The following CSTPP1 variants were observed in gnomAD, a reference collection of about 807,000 sequenced individuals.
The protein encoded by CSTPP1 is UPF0705 protein C11orf49.
At chr11:47,164,342 AT>A in the CSTPP1 span, 5 of 1,336,622 alleles carry the variant, frequency 3.7e-6, no homozygotes, top group African/African-American at 3.0e-5. Flanking sequence ...CAGGGGCTTT[AT>A]TTTGACACCA....
chr11:47,039,975 T>G, the CSTPP1 span, among the ~76,000 whole-genome samples: 1 of 129,020 alleles, frequency 7.8e-6, no homozygotes, highest in African/African-American at 2.5e-5. Flanking sequence ...AATTTGTGAA[T>G]GAAAGTTTGA....
At chr11:47,131,775 G>A in the CSTPP1 span, among the ~76,000 whole-genome samples, 6 of 151,998 alleles carry the variant, frequency 3.9e-5, no homozygotes, top group Non-Finnish European at 7.4e-5. Context: ...TCAGGAGTTC[G>A]AGACCAGCCT....
chr11:47,036,232 T>C, the CSTPP1 span, among the ~76,000 whole-genome samples: 1 of 56,404 alleles, frequency 1.8e-5, no homozygotes, highest in South Asian at 4.8e-4. Context: ...ATATATATAA[T>C]ATATTATATT....
chr11:47,100,832 C>G, the CSTPP1 span, among the ~76,000 whole-genome samples: 1 of 151,404 alleles, frequency 6.6e-6, no homozygotes, highest in Non-Finnish European at 1.5e-5. Context: ...TACTGGGTTC[C>G]TAAGCAGTAT....
At chr11:47,052,670 T>C in the CSTPP1 span, 1 of 1,092,768 alleles carries the variant, frequency 9.2e-7, no homozygotes, top group Admixed American at 3.0e-5. Flanking sequence ...TTTGAATGCA[T>C]GCTATTCAAG....
At chr11:47,162,888 C>T in the CSTPP1 span, among the ~76,000 whole-genome samples, 1 of 152,128 alleles carries the variant, frequency 6.6e-6, no homozygotes, top group Non-Finnish European at 1.5e-5. Context: ...ATTCCAGCCC[C>T]GAAGCTGCTC....
At chr11:47,004,785 G>A in the CSTPP1 span, among the ~76,000 whole-genome samples, 1 of 152,274 alleles carries the variant, frequency 6.6e-6, no homozygotes, top group Middle Eastern at 3.4e-3. Context: ...GTACAGTGAT[G>A]GGCTCAGGGT....
the CSTPP1 span, among the ~76,000 whole-genome samples, chr11:47,139,748 A>G: frequency 6.6e-6 from 1 of 151,940 alleles, no homozygotes; most frequent in Non-Finnish European, 1.5e-5. Flanking sequence ...CACTTCACTG[A>G]AGTGGGAACT....
chr11:47,052,598 T>A, the CSTPP1 span: 95 of 1,524,342 alleles, frequency 6.2e-5, no homozygotes, highest in Non-Finnish European at 8.0e-5. Context: ...TCTCTCTTTC[T>A]TTCTCTCTCT....
At chr11:47,016,346 C>A in the CSTPP1 span, among the ~76,000 whole-genome samples, 1 of 136,634 alleles carries the variant, frequency 7.3e-6, no homozygotes, top group African/African-American at 2.8e-5. Context: ...CAAGTTTGTT[C>A]ACATAGGACA....
At chr11:46,973,309 T>G in the CSTPP1 span, among the ~76,000 whole-genome samples, 1 of 152,144 alleles carries the variant, frequency 6.6e-6, no homozygotes, top group Admixed American at 6.5e-5. Context: ...GCCAGATATA[T>G]TAGTTTGATC....
the CSTPP1 span, among the ~76,000 whole-genome samples, chr11:47,049,012 G>T: frequency 6.6e-6 from 1 of 151,958 alleles, no homozygotes; most frequent in Admixed American, 6.6e-5. Flanking sequence ...TTGAGACAGG[G>T]TCTTGCTCTG....
the CSTPP1 span, among the ~76,000 whole-genome samples, chr11:47,153,876 C>G: frequency 6.6e-6 from 1 of 152,212 alleles, no homozygotes; most frequent in Non-Finnish European, 1.5e-5. Flanking sequence ...AGTTGCCAGT[C>G]TGGGAAACCT....
the CSTPP1 span, among the ~76,000 whole-genome samples, chr11:46,987,004 A>G: frequency 3.9e-5 from 6 of 152,248 alleles, no homozygotes; most frequent in South Asian, 1.2e-3. Context: ...GGTCATGTTC[A>G]CATCATCTCC....
chr11:47,122,585 AT>A, the CSTPP1 span, among the ~76,000 whole-genome samples: 2 of 151,780 alleles, frequency 1.3e-5, no homozygotes, highest in Admixed American at 1.3e-4. Flanking sequence ...ATTCTTTTTT[AT>A]TTTTTATTTT....
the CSTPP1 span, among the ~76,000 whole-genome samples, chr11:47,053,392 G>T: frequency 2.3e-3 from 356 of 152,284 alleles, no homozygotes; most frequent in African/African-American, 8.0e-3. Context: ...GCCAAGGCAG[G>T]TGGATCACTT....
At chr11:47,080,110 C>CA in the CSTPP1 span, among the ~76,000 whole-genome samples, 13 of 148,814 alleles carry the variant, frequency 8.7e-5, no homozygotes, top group Admixed American at 2.0e-4. Flanking sequence ...AACAAACAAA[C>CA]AAAAAAAAGG....
At chr11:47,033,862 C>CA in the CSTPP1 span, among the ~76,000 whole-genome samples, 2 of 152,144 alleles carry the variant, frequency 1.3e-5, no homozygotes, top group African/African-American at 4.8e-5. Context: ...GAATTAGAAA[C>CA]ATTGTGTTTG....
At chr11:47,160,969 CGT>C in the CSTPP1 span, 1 of 884,106 alleles carries the variant, frequency 1.1e-6, no homozygotes, top group Non-Finnish European at 1.7e-6. Flanking sequence ...CTTCCTGCTC[CGT>C]GACTGTTCTT....
Sources: allele counts gnomAD v4.1 joint callset (sites outside exome capture counted in the v4.1 genomes callset), GRCh38; gene constraint gnomAD v4.1.1; transcripts MANE v1.5; gene names NCBI Gene and HGNC (gene_info 2026-07-23, HGNC 2026-07-21).